The following EEA1 variants were observed in gnomAD, a reference collection of about 807,000 sequenced individuals.
The protein encoded by EEA1 is early endosome antigen 1, also known as early endosome antigen 1, 162kD.
A neutral mutation model predicts 209.2 loss-of-function variants in EEA1; 111 were observed. That is an observed-to-expected ratio of 0.53 (90% CI 0.45 to 0.62). The LOEUF (loss-of-function observed/expected upper bound fraction) is 0.62. Among genes scored for constraint, EEA1 ranks in the 20% least tolerant of loss-of-function variants. The pLI, the probability that EEA1 is intolerant of heterozygous loss-of-function variation, is 0.00. For synonymous variants in EEA1, 536 were observed against 540.6 expected, an observed-to-expected ratio of 0.99 and a Z score of 0.12; for missense variants, 1,343 against 1,530.8, an observed-to-expected ratio of 0.88 and a Z score of 2.05.
intron 22 of EEA1, among the ~76,000 whole-genome samples, chr12:92,782,550 A>G (rs1873949115): frequency 6.6e-6 from 1 of 152,256 alleles, no homozygotes; most frequent in Non-Finnish European, 1.5e-5. Flanking sequence ...TAAAAGAGAT[A>G]TAATTAAATG....
chr12:92,835,212 T>C (rs2136695849), intron 10 of EEA1, among the ~76,000 whole-genome samples: 1 of 152,132 alleles, frequency 6.6e-6, no homozygotes, highest in South Asian at 2.1e-4. Context: ...AAGAGAATTC[T>C]AAGTTACTGA....
At chr12:92,805,308 A>G (rs369079088) in intron 18 of EEA1, among the ~76,000 whole-genome samples, 3 of 152,210 alleles carry the variant, frequency 2.0e-5, no homozygotes, top group East Asian at 1.9e-4. Context: ...TCAAAGCATC[A>G]GGACCCAATT....
intron 2 of EEA1, among the ~76,000 whole-genome samples, chr12:92,883,208 C>T (rs1162126199): frequency 6.6e-6 from 1 of 152,132 alleles, no homozygotes; most frequent in East Asian, 1.9e-4. Context: ...ATTTGTATGT[C>T]TTCTGAGAAG....
At chr12:92,902,387 G>A (rs980688295) in intron 1 of EEA1, among the ~76,000 whole-genome samples, 11 of 152,306 alleles carry the variant, frequency 7.2e-5, no homozygotes, top group Admixed American at 5.9e-4. Context: ...CAGGCCCACT[G>A]TGAGAACTTA....
At chr12:92,800,602 G>A (rs1044905467) in intron 20 of EEA1, among the ~76,000 whole-genome samples, 2 of 152,154 alleles carry the variant, frequency 1.3e-5, no homozygotes, top group African/African-American at 4.8e-5. Flanking sequence ...GATGATATAT[G>A]ATATAACCAA....
chr12:92,903,688 A>G (rs1287853910), intron 1 of EEA1, among the ~76,000 whole-genome samples: 1 of 152,136 alleles, frequency 6.6e-6, no homozygotes, highest in Non-Finnish European at 1.5e-5. Context: ...AAAGAAAAGA[A>G]TGTATATGAT....
intron 2 of EEA1, among the ~76,000 whole-genome samples, chr12:92,872,888 A>G (rs1031011442): frequency 1.3e-5 from 2 of 152,064 alleles, no homozygotes; most frequent in Admixed American, 1.3e-4. Context: ...GGGAGGGGGG[A>G]GGTTGCAGTG....
chr12:92,917,508 A>C (rs1880815728), intron 1 of EEA1, among the ~76,000 whole-genome samples: 3 of 150,178 alleles, frequency 2.0e-5, no homozygotes, highest in Admixed American at 2.0e-4. Context: ...TTCATAAGTG[A>C]AGGAGAAATA....
intron 1 of EEA1, among the ~76,000 whole-genome samples, chr12:92,892,196 T>C (rs371355998): frequency 6.6e-6 from 1 of 152,102 alleles, no homozygotes; most frequent in South Asian, 2.1e-4. Flanking sequence ...GCTCAAGCGA[T>C]CCTCCTATCT....
At chr12:92,845,974 T>C (rs566905526) in intron 9 of EEA1, among the ~76,000 whole-genome samples, 1 of 152,342 alleles carries the variant, frequency 6.6e-6, no homozygotes, top group East Asian at 1.9e-4. Flanking sequence ...TGAAATGTTA[T>C]TGAATTCAAT....
In EEA1 at chr12:92,842,558, A is replaced by C. The variant is rs1592731710; in HGVS notation, c.822T>G (p.Ser274Arg). ...CTTCCTGGGGGCCTTTGGCAAGTTC[A>C]CTCCTTAGCTGGCTTATTGTGGCCT... ...SSEATISQLR[S>R]ELAKGPQEVA... is the part of the protein sequence containing the mutation. The change falls in exon 10 of 29, where the codon AGT becomes AGG. Residue 274 changes from serine (S) to arginine (R), a missense_variant. Ser to Arg is a moderately radical substitution (Grantham distance 110). Transcript: ENST00000322349. The C allele has an allele frequency of 1.2e-6, 2 of 1,604,318 alleles. No homozygotes were observed. Among genetic ancestry groups the C allele is most frequent in the African/African-American group, 1.3e-5 (1 of 74,548 alleles).
chr12:92,859,580 GGT>G (rs1314967284), intron 3 of EEA1, among the ~76,000 whole-genome samples: 2 of 152,078 alleles, frequency 1.3e-5, no homozygotes, highest in Non-Finnish European at 2.9e-5. Context: ...TCTGTCCCTA[GGT>G]GTTTTGTTTA....
intron 2 of EEA1, among the ~76,000 whole-genome samples, chr12:92,890,093 A>G (rs1879600095): frequency 1.3e-5 from 2 of 152,230 alleles, no homozygotes; most frequent in Non-Finnish European, 2.9e-5. Context: ...AAAGCAAATA[A>G]CACATGGTAC....
In EEA1 at chr12:92,782,531, A is replaced by G. The variant is rs1424858375; in HGVS notation, c.3151-396T>C. Among the ~76,000 whole-genome samples, 4 of 152,356 alleles carry G rather than the reference A, an allele frequency of 2.6e-5. No homozygotes were observed. The East Asian group carries it at 7.7e-4, about 29-fold the overall frequency. On this transcript the variant is annotated intron_variant, in intron 22 of 28. Coordinates refer to ENST00000322349, the MANE Select transcript of EEA1 (RefSeq NM_003566.4). ...TAAAGTCATAAGGCAGTGTGAAAGA[A>G]AACAATCTTAAAAGAGATATAATTA...
intron 2 of EEA1, among the ~76,000 whole-genome samples, chr12:92,866,191 CAAAAAAAAAAA>C (rs11317190): frequency 4.2e-5 from 3 of 71,728 alleles, no homozygotes; most frequent in Non-Finnish European, 7.6e-5. Context: ...GACTCCTTCT[CAAAAAAAAAAA>C]AAAAAAAAAA....
intron 23 of EEA1, 26 bp from the exon 24 acceptor site, chr12:92,780,437 A>G (rs1186875846): frequency 6.4e-6 from 9 of 1,400,400 alleles, no homozygotes; most frequent in Non-Finnish European, 8.7e-6. Context: ...ATATTTTAAA[A>G]TTATTTTAAA....
chr12:92,864,273 A>T (rs1878277018), intron 3 of EEA1, among the ~76,000 whole-genome samples: 1 of 152,140 alleles, frequency 6.6e-6, no homozygotes, highest in South Asian at 2.1e-4. Context: ...AAGTACAATG[A>T]AGTGAAACTT....
rs1879261086 is a variant in EEA1, at chr12:92,883,709, T to C, written c.117+7920A>G. On this transcript the variant is annotated intron_variant, in intron 2 of 28. Transcript: ENST00000322349. Reference sequence around the variant, plus strand: ...ATACAGTGAGACACGTTCATCAGCTTGTTCTTTTCTGCCCGCGGACGCCAC... The same window carrying C: ...ATACAGTGAGACACGTTCATCAGCTCGTTCTTTTCTGCCCGCGGACGCCAC... The C allele has an allele frequency of 2.0e-5, 17 of 862,902 alleles. No homozygotes were observed. The South Asian group carries it at 2.4e-4, about 12-fold the overall frequency. The allele number at this position is 862,902 out of a possible 1,614,324, so 53.5% of individuals were successfully genotyped here.
chr12:92,810,327 A>T (rs1409435891), intron 17 of EEA1, among the ~76,000 whole-genome samples: 1 of 152,142 alleles, frequency 6.6e-6, no homozygotes, highest in Non-Finnish European at 1.5e-5. Context: ...CACAATAAAA[A>T]CTCAGTTCTA....
Sources: allele counts gnomAD v4.1 joint callset (sites outside exome capture counted in the v4.1 genomes callset), GRCh38; gene constraint gnomAD v4.1.1; transcripts MANE v1.5; gene names NCBI Gene and HGNC (gene_info 2026-07-23, HGNC 2026-07-21).